The following SIGLECL1 variants were observed in gnomAD, a reference collection of about 807,000 sequenced individuals.
SIGLECL1 encodes the protein SIGLEC family-like protein 1.
In SIGLECL1, 16 loss-of-function variants were observed where a neutral mutation model predicts 19.1. The ratio of observed to expected loss-of-function variants is 0.84; its 90% CI spans 0.57 to 1.27. The LOEUF (loss-of-function observed/expected upper bound fraction) is 1.27, where lower values mean the gene tolerates loss of function less well. Ranked by LOEUF, SIGLECL1 falls within the 50% of genes most tolerant of loss-of-function variation. The probability of loss-of-function intolerance (pLI) is 0.00; values close to 1 mark genes in which losing one functional copy is unlikely to be tolerated. For synonymous variants in SIGLECL1, 89 were observed against 90.4 expected, an observed-to-expected ratio of 0.98 and a Z score of 0.09; for missense variants, 210 against 239.4, an observed-to-expected ratio of 0.88 and a Z score of 0.81.
In SIGLECL1 at chr19:51,263,372, A is replaced by G. The variant is rs377046674; in HGVS notation, c.-190-511A>G. On this transcript the variant is annotated intron_variant, in intron 1 of 5. Coordinates refer to ENST00000601727, the MANE Select transcript of SIGLECL1 (RefSeq NM_001385465.1). ...TGTTTTACACTTCTCACCAAACTAA[A>G]CATTATCATATTTTTCCTGAGAGAA... Among the ~76,000 whole-genome samples, 6 of 152,322 alleles carry G rather than the reference A, an allele frequency of 3.9e-5. No homozygotes were observed. In the South Asian group the frequency reaches 1.2e-3, roughly 32 times the overall value.
intron 4 of SIGLECL1, 50 bp downstream of exon 4, chr19:51,265,932 C>G (rs767395330): frequency 6.3e-7 from 1 of 1,581,734 alleles, no homozygotes; most frequent in Non-Finnish European, 8.7e-7. Flanking sequence ...CGGGCAGGCC[C>G]TGGCTGCAGC....
chr19:51,260,316 C>T (rs563951276), intron 1 of SIGLECL1, among the ~76,000 whole-genome samples: 7 of 152,106 alleles, frequency 4.6e-5, no homozygotes, highest in South Asian at 2.1e-4. Context: ...TGATTTTGCC[C>T]GGTTTTTTTC....
chr19:51,267,042 A>T (rs1435966943), intron 4 of SIGLECL1, among the ~76,000 whole-genome samples: 4 of 152,094 alleles, frequency 2.6e-5, no homozygotes, highest in African/African-American at 4.8e-5. Flanking sequence ...CTATGGGGAG[A>T]CAAAGATGAG....
chr19:51,255,591 C>CA (rs1394120325), intron 1 of SIGLECL1, among the ~76,000 whole-genome samples: 2 of 151,848 alleles, frequency 1.3e-5, no homozygotes, highest in East Asian at 1.9e-4. Context: ...AACTCAATAG[C>CA]AAAAAAATCA....
At chr19:51,249,114 C>A (rs1982355808), upstream of SIGLECL1, among the ~76,000 whole-genome samples, 1 of 151,960 alleles carries the variant, frequency 6.6e-6, no homozygotes, top group African/African-American at 2.4e-5. Flanking sequence ...ATAATTATGG[C>A]CTAGGGTCTG....
chr19:51,246,389 G>C (rs1982257896), upstream of SIGLECL1: 1 of 152,182 alleles, frequency 6.6e-6, no homozygotes, highest in African/African-American at 2.4e-5. Context: ...CTTTGCGCAA[G>C]GATACAAGTG....
chr19:51,261,035 A>G (rs1983173786), intron 1 of SIGLECL1, among the ~76,000 whole-genome samples: 1 of 152,208 alleles, frequency 6.6e-6, no homozygotes, highest in Admixed American at 6.5e-5. Context: ...ACTATTGTGG[A>G]TGTCTGTTTC....
chr19:51,255,673 A>T (rs1237406089), intron 1 of SIGLECL1, among the ~76,000 whole-genome samples: 2 of 152,230 alleles, frequency 1.3e-5, no homozygotes, highest in African/African-American at 4.8e-5. Context: ...AAAATGGCCA[A>T]CAAGTATATA....
rs1009087869 is a variant in SIGLECL1, at chr19:51,251,414, A to G, written c.-322A>G. ...GAGCCCTTTGGTCAGACAGAGGCTA[A>G]ATCTGAACAGTCAGGCGGTGAGATT... On this transcript the variant is annotated 5_prime_UTR_variant, in exon 1 of 6. Transcript: ENST00000601727. The G allele has an allele frequency of 6.5e-6, 1 of 152,902 alleles. No homozygotes were observed. Among genetic ancestry groups the G allele is most frequent in the African/African-American group, 2.4e-5 (1 of 41,448 alleles). 9.5% of individuals were successfully genotyped at this position (152,902 alleles called of 1,614,324 possible). A position where few individuals can be genotyped will look rare whatever the true frequency, so the allele number is the denominator to read the frequency against.
chr19:51,255,241 C>T (rs955692406), intron 1 of SIGLECL1, among the ~76,000 whole-genome samples: 1 of 143,864 alleles, frequency 7.0e-6, no homozygotes, highest in Non-Finnish European at 1.5e-5. Flanking sequence ...GCCTGGGCAA[C>T]AGAGTGGGGA....
At chr19:51,252,218 AC>A (rs1982532843) in intron 1 of SIGLECL1, among the ~76,000 whole-genome samples, 1 of 150,084 alleles carries the variant, frequency 6.7e-6, no homozygotes, top group Non-Finnish European at 1.5e-5. Context: ...AATCACTTGA[AC>A]CCCGTAGGCA....
At chr19:51,265,929 G>T in intron 4 of SIGLECL1, 47 bp downstream of exon 4, 1 of 1,592,596 alleles carries the variant, frequency 6.3e-7, no homozygotes, top group South Asian at 1.1e-5. Context: ...TACCGGGCAG[G>T]CCCTGGCTGC....
At chr19:51,262,459 C>T (rs1599797281) in intron 1 of SIGLECL1, among the ~76,000 whole-genome samples, 2 of 152,104 alleles carry the variant, frequency 1.3e-5, no homozygotes, top group African/African-American at 4.8e-5. Context: ...AGTGAATAAC[C>T]TAGGTTTCTT....
chr19:51,267,619 T>G (rs1983777574), intron 5 of SIGLECL1, 90 bp downstream of exon 5: 2 of 1,466,676 alleles, frequency 1.4e-6, no homozygotes, highest in Non-Finnish European at 1.9e-6. Context: ...TTGAAGGTGT[T>G]ATCATCCTCA....
intron 1 of SIGLECL1, among the ~76,000 whole-genome samples, chr19:51,255,446 T>G (rs930528601): frequency 2.6e-5 from 4 of 152,146 alleles, no homozygotes; most frequent in African/African-American, 9.7e-5. Flanking sequence ...CATGCAAGAT[T>G]GCAGCAAAGT....
chr19:51,258,555 T>C (rs190659773), intron 1 of SIGLECL1, among the ~76,000 whole-genome samples: 1 of 152,292 alleles, frequency 6.6e-6, no homozygotes, highest in Non-Finnish European at 1.5e-5. Context: ...TTATCTGTAA[T>C]CGTTAAAATG....
At chr19:51,254,331 TAA>T (rs763830054) in intron 1 of SIGLECL1, among the ~76,000 whole-genome samples, 31 of 130,266 alleles carry the variant, frequency 2.4e-4, no homozygotes, top group Admixed American at 3.1e-4. Context: ...TCCATCTCTT[TAA>T]AAAAAAAAAA....
upstream of SIGLECL1, among the ~76,000 whole-genome samples, chr19:51,249,462 T>C (rs1230303952): frequency 1.4e-5 from 2 of 144,930 alleles, no homozygotes; most frequent in African/African-American, 2.6e-5. Context: ...GTCTGTCACA[T>C]TAAAAAAAAA....
rs370870695 is a variant in SIGLECL1 at position 51,264,112 on chromosome 19, C to G, written c.22+18C>G. ...ACAGCTGGGTAAGTAAGGTGAGAAG[C>G]AGCACTGGAGGTGTGTTTGGAAGCC... On this transcript the variant is annotated intron_variant, in intron 2 of 5. Transcript: ENST00000601727. 4.3e-6 allele frequency: 7 copies of G among 1,613,720 alleles called. No homozygotes were observed. In the African/African-American group the frequency reaches 9.3e-5, roughly 22 times the overall value.
Sources: gnomAD v4.1 joint callset for allele counts (sites outside exome capture counted in the v4.1 genomes callset) on GRCh38, gnomAD v4.1.1 for gene constraint, MANE v1.5 for transcripts, NCBI Gene and HGNC (gene_info 2026-07-23, HGNC 2026-07-21) for gene names.